Variants in CNTNAP2 observed in about 807,000 individuals in gnomAD.
CNTNAP2 encodes contactin-associated protein-like 2.
A neutral mutation model predicts 155.2 loss-of-function variants in CNTNAP2; 98 were observed. The observed-to-expected ratio is 0.63, with a 90% CI of 0.54 to 0.75. The LOEUF is 0.75. Among genes scored for constraint, CNTNAP2 ranks in the 30% least tolerant of loss-of-function variants. The probability of loss-of-function intolerance (pLI) is 0.00; values close to 1 mark genes in which losing one functional copy is unlikely to be tolerated. For synonymous variants in CNTNAP2, 651 were observed against 631.2 expected (o/e 1.03, Z -0.47); for missense variants, 1,727 against 1,688.1 (o/e 1.02, Z -0.40).
intron 13 of CNTNAP2, among the ~76,000 whole-genome samples, chr7:147,784,132 C>A (rs1187558677): frequency 6.6e-6 from 1 of 151,750 alleles, no homozygotes; most frequent in East Asian, 1.9e-4. Context: ...CAGATATCCC[C>A]TTTTTATAAG....
At chr7:146,703,581 A>G (rs1349220495) in intron 1 of CNTNAP2, among the ~76,000 whole-genome samples, 4 of 152,162 alleles carry the variant, frequency 2.6e-5, no homozygotes, top group South Asian at 4.1e-4. Flanking sequence ...TCTGGAGGCC[A>G]GGAAGTCCAA....
chr7:146,227,127 T>C (rs1241840054), intron 1 of CNTNAP2, among the ~76,000 whole-genome samples: 2 of 152,034 alleles, frequency 1.3e-5, no homozygotes, highest in East Asian at 3.9e-4. Context: ...GATGAGAGAA[T>C]AGAAAAAAAC....
intron 1 of CNTNAP2, among the ~76,000 whole-genome samples, chr7:146,129,536 G>A (rs1324315760): frequency 3.3e-5 from 5 of 151,960 alleles, no homozygotes; most frequent in Non-Finnish European, 5.9e-5. Flanking sequence ...GGGTAAAGAG[G>A]GACTACTCAG....
intron 10 of CNTNAP2, among the ~76,000 whole-genome samples, chr7:147,476,929 TAAAAA>T (rs1220005381): frequency 5.5e-5 from 1 of 18,244 alleles, no homozygotes; most frequent in African/African-American, 1.3e-4. Flanking sequence ...CTCTGTCATT[TAAAAA>T]AAAAAAAAAA....
intron 1 of CNTNAP2, among the ~76,000 whole-genome samples, chr7:146,762,909 C>T (rs1207938332): frequency 6.6e-6 from 1 of 152,144 alleles, no homozygotes; most frequent in Non-Finnish European, 1.5e-5. Flanking sequence ...CAATTACCTC[C>T]AACTGGGTCC....
chr7:148,170,740 G>A (rs142116299), intron 17 of CNTNAP2, among the ~76,000 whole-genome samples: 211 of 152,322 alleles, frequency 1.4e-3, no homozygotes, highest in African/African-American at 4.5e-3. Flanking sequence ...GGTTTTGCAG[G>A]CATAAGCAGA....
intron 15 of CNTNAP2, among the ~76,000 whole-genome samples, chr7:148,035,164 T>C (rs1802549251): frequency 6.6e-6 from 1 of 152,110 alleles, no homozygotes; most frequent in Non-Finnish European, 1.5e-5. Flanking sequence ...GCAGAAAGAT[T>C]TGGGAAATCT....
At chr7:147,009,492 T>C (rs1468390673) in intron 3 of CNTNAP2, among the ~76,000 whole-genome samples, 2 of 152,204 alleles carry the variant, frequency 1.3e-5, no homozygotes, top group Non-Finnish European at 2.9e-5. Flanking sequence ...TTTATTTCAC[T>C]TGGAGTTGTG....
At chr7:147,081,301 A>G (rs1800119734) in intron 4 of CNTNAP2, 1 of 152,144 alleles carries the variant, frequency 6.6e-6, no homozygotes, top group African/African-American at 2.4e-5. Flanking sequence ...CAGCTGCTAC[A>G]GGATTCACTC....
Position 148,118,147 on chromosome 7 carries a change from A to T in CNTNAP2, c.2413A>T (p.Asn805Tyr), listed in dbSNP as rs1372778905. ...TTATTGGAATGCCGCCTCTTTCCCA[A>T]ACCCATCCTCCTACCTGCACTTCTC... ...RNYWNAASFP[N>Y]PSSYLHFSTF... The change falls in exon 16 of 24, where the codon AAC becomes TAC. Residue 805 changes from asparagine to tyrosine, a missense_variant. Asn to Tyr is a moderately radical substitution (Grantham distance 143, BLOSUM62 -2). Coordinates refer to ENST00000361727, the MANE Select transcript of CNTNAP2 (RefSeq NM_014141.6). 3 of 1,614,018 alleles carry T rather than the reference A, an allele frequency of 1.9e-6. No individual in the cohort carries two copies. The highest frequency in any genetic ancestry group is 3.3e-5 in the Admixed American group (2 of 59,998).
chr7:146,265,457 C>CTTTTTTT (rs796634792), intron 1 of CNTNAP2, among the ~76,000 whole-genome samples: 2 of 135,606 alleles, frequency 1.5e-5, no homozygotes, highest in African/African-American at 5.6e-5. Context: ...TTCTTTCTTT[C>CTTTTTTT]TTTTTTTTTT....
chr7:148,010,803 T>C (rs1188655228), intron 15 of CNTNAP2, among the ~76,000 whole-genome samples: 2 of 152,076 alleles, frequency 1.3e-5, no homozygotes, highest in African/African-American at 4.8e-5. Context: ...CATCAAGTTT[T>C]TATACATGCA....
chr7:148,172,113 C>T (rs943775603), intron 17 of CNTNAP2, 129 bp from the exon 18 acceptor site: 11 of 937,186 alleles, frequency 1.2e-5, no homozygotes, highest in Middle Eastern at 3.2e-4. Context: ...TTAGATAGGA[C>T]CAACTTGATA....
chr7:146,737,723 A>G (rs920611894), intron 1 of CNTNAP2, among the ~76,000 whole-genome samples: 1 of 151,982 alleles, frequency 6.6e-6, no homozygotes, highest in African/African-American at 2.4e-5. Context: ...AGAAATGCCT[A>G]TTCAGATATT....
chr7:147,850,876 T>C (rs200916730), intron 13 of CNTNAP2, among the ~76,000 whole-genome samples: 1 of 152,058 alleles, frequency 6.6e-6, no homozygotes. Flanking sequence ...GGACTTCATG[T>C]CTAAAACACC....
chr7:147,334,320 C>T (rs955338865), intron 9 of CNTNAP2, among the ~76,000 whole-genome samples: 1 of 152,142 alleles, frequency 6.6e-6, no homozygotes, highest in Non-Finnish European at 1.5e-5. Flanking sequence ...GCCTTTTCTT[C>T]ACAGGAATTG....
chr7:146,720,978 C>CTA (rs71165032), intron 1 of CNTNAP2, among the ~76,000 whole-genome samples: 23,117 of 121,374 alleles, frequency 0.19, 3,399 homozygotes, highest in African/African-American at 0.45. Context: ...TATATATAGA[C>CTA]TATATATACT....
chr7:146,956,886 G>A (rs990570557), intron 3 of CNTNAP2, among the ~76,000 whole-genome samples: 2 of 152,024 alleles, frequency 1.3e-5, no homozygotes, highest in African/African-American at 4.8e-5. Context: ...AAACTTAAGG[G>A]GATTTAACTG....
intron 3 of CNTNAP2, among the ~76,000 whole-genome samples, chr7:147,027,542 A>T (rs995996307): frequency 1.3e-5 from 2 of 152,264 alleles, no homozygotes; most frequent in African/African-American, 2.4e-5. Context: ...CAACTTATTG[A>T]GTTGGCAACG....
Sources: gnomAD v4.1 joint callset for allele counts (sites outside exome capture counted in the v4.1 genomes callset) on GRCh38, gnomAD v4.1.1 for gene constraint, MANE v1.5 for transcripts, NCBI Gene and HGNC (gene_info 2026-07-23, HGNC 2026-07-21) for gene names.